Variants in LOXHD1 observed in about 807,000 individuals in gnomAD.
LOXHD1 encodes lipoxygenase homology domain-containing protein 1.
In LOXHD1, 205 loss-of-function variants were observed where a neutral mutation model predicts 248.2. The ratio of observed to expected loss-of-function variants is 0.83; its 90% CI spans 0.74 to 0.93. The LOEUF (loss-of-function observed/expected upper bound fraction) is 0.93. Among genes scored for constraint, LOXHD1 ranks in the 40% least tolerant of loss-of-function variants. The probability of loss-of-function intolerance (pLI) is 0.00; values close to 1 mark genes in which losing one functional copy is unlikely to be tolerated. For missense variants in LOXHD1, 2,930 were observed against 2,971.6 expected (o/e 0.99, Z 0.33); for synonymous variants, 1,113 against 1,162.8 (o/e 0.96, Z 0.87).
At position 46,601,326 on chromosome 18, in the gene LOXHD1, C is replaced by T. The variant is rs921900283; in HGVS notation, c.1025G>A (p.Gly342Asp). 3.9e-5 allele frequency: 60 copies of T among 1,551,702 alleles called. No homozygotes were observed. The highest frequency in any genetic ancestry group is 2.4e-4 in the East Asian group (10 of 40,918). The stretch of plus-strand genomic sequence containing the variant: ...CTCGATGTGGAAGATGTCCGTGCGG[C>T]CTCGGTCAAACACGCCGCCCTCCAG... ...IFLEGGVFDR[G>D]RTDIFHIELA... The change falls in exon 8 of 41, where the codon GGC becomes GAC. Residue 342 changes from glycine to aspartate, a missense_variant. Coordinates refer to ENST00000642948, the MANE Select transcript of LOXHD1 (RefSeq NM_001384474.1).
chr18:46,616,980 T>C (rs1384769388), intron 5 of LOXHD1, among the ~76,000 whole-genome samples: 1 of 152,236 alleles, frequency 6.6e-6, no homozygotes. Context: ...TAATGCTTAG[T>C]TATGATGAAT....
At chr18:46,502,319 G>A (rs760949259) in intron 37 of LOXHD1, among the ~76,000 whole-genome samples, 5 of 152,190 alleles carry the variant, frequency 3.3e-5, no homozygotes, top group African/African-American at 7.2e-5. Context: ...CGAGAAACAG[G>A]CTGAGACAGA....
At position 46,649,216 on chromosome 18, in the gene LOXHD1, T is replaced by C; in HGVS notation, c.184A>G (p.Asn62Asp). 6.4e-7 allele frequency: 1 copy of C among 1,551,768 alleles called. No individual in the cohort carries two copies. Among genetic ancestry groups the C allele is most frequent in the Non-Finnish European group, 8.7e-7 (1 of 1,147,012 alleles). The change falls in exon 2 of 41, where the codon AAT becomes GAT. Residue 62 changes from asparagine (N) to aspartate (D), a missense_variant. By Grantham distance (23) the Asn-to-Asp change is conservative. Transcript: ENST00000642948. ...TCTCCAAAAAGCGTGATGAAGACAT[T>C]GGCATCCGTCCCTGCACCGCGAACA... is the stretch of plus-strand genomic sequence containing the variant. ...GDVRGAGTDANVFITLFGENG... is the reference protein window; with the variant it reads ...GDVRGAGTDADVFITLFGENG...
intron 25 of LOXHD1, among the ~76,000 whole-genome samples, chr18:46,539,077 G>T (rs2036444423): frequency 6.6e-6 from 1 of 152,218 alleles, no homozygotes. Context: ...TTCCTGGTGG[G>T]CAGCCACCGG....
rs746424102 is a variant in LOXHD1, at chr18:46,577,829, A to G, written c.1848T>C (p.Asn616=). ...CGTGTCTGATCCTCACCCGCCTCAC[A>G]TTCCGCATGGTGACAGACTCGATAG... ...EFTIESVTMR[N]VRRVRIRHDG... is the part of the protein sequence containing the mutation. Residue 616 remains asparagine (N), a synonymous_variant, in exon 14 of 41, where the codon AAT becomes AAC. Coordinates refer to ENST00000642948, the MANE Select transcript of LOXHD1 (RefSeq NM_001384474.1). 2 of 1,551,504 alleles carry G rather than the reference A, an allele frequency of 1.3e-6. No homozygotes were observed.
At chr18:46,481,458 A>T (rs1598805845) in intron 40 of LOXHD1, among the ~76,000 whole-genome samples, 2 of 152,128 alleles carry the variant, frequency 1.3e-5, no homozygotes, top group East Asian at 3.9e-4. Context: ...GACTTCAGAG[A>T]GCTCCTAGGC....
intron 26 of LOXHD1, 117 bp downstream of exon 26, chr18:46,538,039 C>T (rs532989533): frequency 1.1e-6 from 1 of 931,350 alleles, no homozygotes; most frequent in African/African-American, 1.6e-5. Context: ...TGCTCACCTT[C>T]CTCTCTAATA....
At chr18:46,637,562 C>A (rs1164446721) in intron 4 of LOXHD1, among the ~76,000 whole-genome samples, 14 of 152,044 alleles carry the variant, frequency 9.2e-5, no homozygotes, top group Non-Finnish European at 1.8e-4. Flanking sequence ...GAAATTCACC[C>A]CAGTTGAAAA....
At chr18:46,541,314 A>G (rs2036549518) in intron 25 of LOXHD1, among the ~76,000 whole-genome samples, 1 of 152,114 alleles carries the variant, frequency 6.6e-6, no homozygotes, top group Non-Finnish European at 1.5e-5. Flanking sequence ...GGCCCTTTCA[A>G]GCCATTGTGG....
At chr18:46,649,024 G>A (rs2039072344) in intron 2 of LOXHD1, 131 bp downstream of exon 2, 2 of 736,162 alleles carry the variant, frequency 2.7e-6, no homozygotes, top group Admixed American at 4.2e-5. Context: ...CATTAGCAGA[G>A]GCTTCATACC....
Position 46,524,763 on chromosome 18 carries a change from C to T in LOXHD1, c.4685G>A (p.Arg1562His), listed in dbSNP as rs1293854417. 1.5e-5 allele frequency: 24 copies of T among 1,551,648 alleles called. No homozygotes were observed. Among genetic ancestry groups the T allele is most frequent in the Middle Eastern group, 1.7e-4 (1 of 6,014 alleles). Residue 1562 changes from arginine (R) to histidine (H), a missense_variant, in exon 30 of 41, where the codon CGC becomes CAC. Arg to His is a conservative substitution (Grantham distance 29). Transcript: ENST00000642948. ...ATCCTCCTTCTTCAGGGAGAGCCAG[C>T]GCCCGCATAGGAACAGGAACTCGTC... The part of the protein sequence containing the change: ...NEDEFLFLCG[R>H]WLSLKKEDGR...
intron 21 of LOXHD1, among the ~76,000 whole-genome samples, chr18:46,554,011 C>T (rs2037216547): frequency 6.6e-6 from 1 of 152,198 alleles, no homozygotes; most frequent in South Asian, 2.1e-4. Context: ...GCGGGCTGAG[C>T]TGACCACCAA....
chr18:46,568,665 ACCT>A (rs1235621826), intron 16 of LOXHD1, among the ~76,000 whole-genome samples: 4 of 151,874 alleles, frequency 2.6e-5, no homozygotes, highest in Admixed American at 6.6e-5. Flanking sequence ...ACATGTGCTG[ACCT>A]CCCCATTACT....
rs560094522 is a variant in LOXHD1 at position 46,625,958 on chromosome 18, C to T, written c.512-7668G>A. Among the ~76,000 whole-genome samples, 8 of 152,282 alleles carry T rather than the reference C, an allele frequency of 5.3e-5. No homozygotes were observed. In the East Asian group the frequency reaches 1.5e-3, roughly 29 times the overall value. ...TGCTAGTATTTATCTTCCCAGAGGG[C>T]CAGAACACCAGCACTTCTTGTATAC... On this transcript the variant is annotated intron_variant, in intron 4 of 40. Transcript: ENST00000642948.
At chr18:46,535,440 G>A (rs910740285) in intron 26 of LOXHD1, among the ~76,000 whole-genome samples, 1 of 151,918 alleles carries the variant, frequency 6.6e-6, no homozygotes, top group African/African-American at 2.4e-5. Flanking sequence ...CCCCTGAACT[G>A]GGCGGGGGAT....
At chr18:46,508,460 C>A (rs916677416) in intron 35 of LOXHD1, among the ~76,000 whole-genome samples, 1 of 152,180 alleles carries the variant, frequency 6.6e-6, no homozygotes, top group Non-Finnish European at 1.5e-5. Context: ...AGCCAGGGAA[C>A]TGCCAGAAGC....
intron 18 of LOXHD1, among the ~76,000 whole-genome samples, chr18:46,560,968 AG>A: frequency 6.6e-6 from 1 of 152,186 alleles, no homozygotes; most frequent in Non-Finnish European, 1.5e-5. Context: ...CTATTCATTC[AG>A]GTTCCTGTGT....
intron 34 of LOXHD1, among the ~76,000 whole-genome samples, chr18:46,516,066 G>A (rs2035233102): frequency 6.6e-6 from 1 of 152,220 alleles, no homozygotes; most frequent in African/African-American, 2.4e-5. Context: ...CCAAGTGATG[G>A]TAACTGAGTC....
chr18:46,559,832 A>G (rs1421316588), intron 19 of LOXHD1, among the ~76,000 whole-genome samples: 4 of 152,194 alleles, frequency 2.6e-5, no homozygotes, highest in African/African-American at 9.7e-5. Flanking sequence ...ATTGAGTCAT[A>G]TCAGGGCTCC....
Sources: allele counts gnomAD v4.1 joint callset (sites outside exome capture counted in the v4.1 genomes callset), GRCh38; gene constraint gnomAD v4.1.1; transcripts MANE v1.5; gene names NCBI Gene and HGNC (gene_info 2026-07-23, HGNC 2026-07-21).